Variants in MEOX1 observed in about 807,000 individuals in gnomAD.
MEOX1 encodes the protein homeobox protein MOX-1.
A neutral mutation model predicts 23.2 loss-of-function variants in MEOX1; 17 were observed. That is an observed-to-expected ratio of 0.73 (90% CI 0.50 to 1.10). The LOEUF is 1.10. MEOX1 is among the 50% of genes least tolerant of loss of function. The probability of loss-of-function intolerance (pLI) is 0.00; values close to 1 mark genes in which losing one functional copy is unlikely to be tolerated. For missense variants in MEOX1, 333 were observed against 332.2 expected (o/e 1.00, Z -0.02); for synonymous variants, 134 against 135.1 (o/e 0.99, Z 0.06).
At chr17:43,644,877 T>C (rs544690653) in intron 1 of MEOX1, among the ~76,000 whole-genome samples, 2 of 152,114 alleles carry the variant, frequency 1.3e-5, no homozygotes, top group Admixed American at 6.5e-5. Flanking sequence ...GATCACGCCA[T>C]TGCACTCCAG....
chr17:43,643,793 C>T (rs535510650), intron 1 of MEOX1, 133 bp from the exon 2 acceptor site: 3 of 637,226 alleles, frequency 4.7e-6, no homozygotes, highest in East Asian at 6.0e-5. Flanking sequence ...AAAAGCTACA[C>T]TGTCCTTTTT....
chr17:43,644,719 G>T (rs966634754), intron 1 of MEOX1, among the ~76,000 whole-genome samples: 1 of 152,180 alleles, frequency 6.6e-6, no homozygotes, highest in Non-Finnish European at 1.5e-5. Flanking sequence ...CTCGAGACCA[G>T]CCTGGCCAAC....
intron 1 of MEOX1, among the ~76,000 whole-genome samples, chr17:43,648,910 T>G (rs116724791): frequency 0.014 from 2,117 of 152,284 alleles, 49 homozygotes; most frequent in African/African-American, 0.049. Flanking sequence ...AAGTTATATA[T>G]GCAGACGTGT....
chr17:43,652,206 G>C (rs1273577941), intron 1 of MEOX1, among the ~76,000 whole-genome samples: 1 of 152,164 alleles, frequency 6.6e-6, no homozygotes, highest in African/African-American at 2.4e-5. Flanking sequence ...AGGGGTTCTG[G>C]ACATGGACTC....
intron 2 of MEOX1, among the ~76,000 whole-genome samples, chr17:43,643,255 T>TG (rs1972732266): frequency 6.6e-6 from 1 of 151,910 alleles, no homozygotes; most frequent in African/African-American, 2.4e-5. Context: ...GAGGTTACAG[T>TG]AAGATCGCGC....
chr17:43,661,208 C>T lies in MEOX1; in HGVS notation c.327G>A (p.Pro109=), dbSNP rs142430146. 5.0e-4 allele frequency: 804 copies of T among 1,608,578 alleles called. 9 individuals are homozygous for T. In the East Asian group the frequency reaches 0.015, roughly 31 times the overall value. The stretch of plus-strand genomic sequence containing the variant: ...TCCCCATTTCCTTGGAACCCCCTGC[C>T]GGGCCTGAGTTGGGCCTGCGCCGGG... The part of the protein sequence containing the change: ...SDARRRPNSG[P]AGGSKEMGTS... Residue 109 remains proline, a synonymous_variant, in exon 1 of 3, where the codon CCG becomes CCA. Coordinates refer to ENST00000318579, the MANE Select transcript of MEOX1 (RefSeq NM_004527.4).
Position 43,656,994 on chromosome 17 carries a change from CTT to C in MEOX1, c.469+4070_469+4071del, listed in dbSNP as rs1491143225. Among the ~76,000 whole-genome samples the C allele has an allele frequency of 7.5e-3, 1,041 of 137,910 alleles. 14 individuals carry two copies. Among genetic ancestry groups the C allele is most frequent in the African/African-American group, 0.033 (993 of 30,048 alleles). 90.5% of individuals were successfully genotyped at this position (137,910 alleles called of 152,430 possible). A position where few individuals can be genotyped will look rare whatever the true frequency, so the allele number is the denominator to read the frequency against. Reference sequence around the variant, plus strand: ...CCCCGTTTGTTCATTTTCTTTCTTTCTTTTTCTTTCTTTCTTTCTCTTTCTTT... The same window carrying C: ...CCCCGTTTGTTCATTTTCTTTCTTTCTTTCTTTCTTTCTTTCTCTTTCTTT... On this transcript the variant is annotated intron_variant, in intron 1 of 2. Transcript: ENST00000318579.
In MEOX1 at chr17:43,641,682, A is replaced by G. The variant is rs899298922; in HGVS notation, c.*228T>C. ...GGTAGGATCTCTGTCTGATTCCATG[A>G]GAGTGTGGGAGCAAAGGCCCTAGGG... On this transcript the variant is annotated 3_prime_UTR_variant, in exon 3 of 3. Transcript: ENST00000318579. 7.3e-5 allele frequency: 35 copies of G among 477,650 alleles called. No homozygotes were observed. The highest frequency in any genetic ancestry group is 5.7e-4 in the East Asian group (16 of 28,126). 29.6% of individuals were successfully genotyped at this position (477,650 alleles called of 1,614,324 possible). A position where few individuals can be genotyped will look rare whatever the true frequency, so the allele number is the denominator to read the frequency against.
intron 1 of MEOX1, 62 bp downstream of exon 1, chr17:43,661,004 G>C: frequency 9.1e-7 from 1 of 1,095,824 alleles, no homozygotes; most frequent in Non-Finnish European, 1.3e-6. Context: ...GCACAGAGAG[G>C]GTGAGTAACT....
At position 43,646,793 on chromosome 17, in the gene MEOX1, T is replaced by G. The variant is rs34691093; in HGVS notation, c.470-3133A>C. ...GAGTTCGCGACCAGCCTGACCAACA[T>G]GGAGAAACACCGTCTCTACTAAAAA... On this transcript the variant is annotated intron_variant, in intron 1 of 2. Coordinates refer to ENST00000318579, the MANE Select transcript of MEOX1 (RefSeq NM_004527.4). Among the ~76,000 whole-genome samples the G allele has an allele frequency of 8.9e-3, 1,356 of 152,192 alleles. 27 individuals carry two copies. Among genetic ancestry groups the G allele is most frequent in the African/African-American group, 0.031 (1,307 of 41,512 alleles).
chr17:43,647,990 G>C lies in MEOX1; in HGVS notation c.470-4330C>G, dbSNP rs142006166. On this transcript the variant is annotated intron_variant, in intron 1 of 2. Transcript: ENST00000318579. Reference sequence around the variant, plus strand: ...ACTGTTGGAAATGATGAAGGGACCAGAAGTATGGGAAGCAAGCTATGAAAG... The same window carrying C: ...ACTGTTGGAAATGATGAAGGGACCACAAGTATGGGAAGCAAGCTATGAAAG... 2.8e-3 allele frequency among the ~76,000 whole-genome samples: 430 copies of C among 152,362 alleles called. 5 individuals carry two copies. The highest frequency in any genetic ancestry group is 9.9e-3 in the African/African-American group (413 of 41,586).
chr17:43,643,704 G>C, intron 1 of MEOX1, 44 bp from the exon 2 acceptor site: 1 of 1,543,808 alleles, frequency 6.5e-7, no homozygotes, highest in African/African-American at 1.4e-5. Context: ...GGCTGAGGGA[G>C]ACTCCATTCC....
intron 1 of MEOX1, among the ~76,000 whole-genome samples, chr17:43,650,891 C>G (rs1263397823): frequency 6.6e-6 from 1 of 152,182 alleles, no homozygotes; most frequent in Non-Finnish European, 1.5e-5. Flanking sequence ...TGAGCCCTGC[C>G]CCACCCCAGT....
At chr17:43,643,146 T>TAA (rs58390408) in intron 2 of MEOX1, among the ~76,000 whole-genome samples, 2 of 146,548 alleles carry the variant, frequency 1.4e-5, no homozygotes, top group South Asian at 2.2e-4. Context: ...CCGCCTCTAC[T>TAA]AAAAAAAAAA....
chr17:43,647,937 A>G (rs567853370), intron 1 of MEOX1, among the ~76,000 whole-genome samples: 3 of 152,218 alleles, frequency 2.0e-5, no homozygotes, highest in South Asian at 2.1e-4. Context: ...TCCCTTGTCA[A>G]CTTCCCAGAG....
At position 43,661,644 on chromosome 17, in the gene MEOX1, G is replaced by T; in HGVS notation, c.-110C>A. On this transcript the variant is annotated 5_prime_UTR_variant, in exon 1 of 3. Transcript: ENST00000318579. Reference sequence around the variant, plus strand: ...AAAAAACTAAATAGGAGGGAAAAATGTTCAACAGAAAATTTACCCCAGGAA... The same window carrying T: ...AAAAAACTAAATAGGAGGGAAAAATTTTCAACAGAAAATTTACCCCAGGAA... 22 of 550,722 alleles carry T rather than the reference G, an allele frequency of 4.0e-5. No homozygotes were observed. The highest frequency in any genetic ancestry group is 6.4e-5 in the South Asian group (1 of 15,698). 34.1% of individuals were successfully genotyped at this position (550,722 alleles called of 1,614,324 possible). A position where few individuals can be genotyped will look rare whatever the true frequency, so the allele number is the denominator to read the frequency against.
rs142457214 is a variant in MEOX1, at chr17:43,641,962, T to C, written c.713A>G (p.Asn238Ser). The C allele has an allele frequency of 2.3e-4, 373 of 1,613,918 alleles. 3 individuals are homozygous for C. In the African/African-American group the frequency reaches 3.2e-3, roughly 14 times the overall value. The change falls in exon 3 of 3, where the codon AAT becomes AGT. Residue 238 changes from asparagine (N) to serine (S), a missense_variant. Transcript: ENST00000318579. The stretch of plus-strand genomic sequence containing the variant: ...GTCCCCATCCTCAGGGTCCTGCCCA[T>C]TGGGGGAGATGGGCTGACCTCCCTT... ...RVKGGQPISP[N>S]GQDPEDGDST...
intron 1 of MEOX1, among the ~76,000 whole-genome samples, chr17:43,651,379 G>C (rs150565167): frequency 2.6e-5 from 4 of 152,256 alleles, no homozygotes; most frequent in South Asian, 2.1e-4. Context: ...GGGTTGGTGA[G>C]GGGGAAGCGC....
At position 43,643,776 on chromosome 17, in the gene MEOX1, C is replaced by T. The variant is rs568225511; in HGVS notation, c.470-116G>A. The stretch of plus-strand genomic sequence containing the variant: ...CAGTCTCCCTTATTTTTACAGGATG[C>T]TGAGAAAAAAGCTACACTGTCCTTT... On this transcript the variant is annotated intron_variant, in intron 1 of 2. Transcript: ENST00000318579. 9 of 723,422 alleles carry T rather than the reference C, an allele frequency of 1.2e-5. No homozygotes were observed. In the East Asian group the frequency reaches 2.3e-4, roughly 19 times the overall value. The allele number at this position is 723,422 out of a possible 1,614,324, so 44.8% of individuals were successfully genotyped here.
Sources: gnomAD v4.1 joint callset for allele counts (sites outside exome capture counted in the v4.1 genomes callset) on GRCh38, gnomAD v4.1.1 for gene constraint, MANE v1.5 for transcripts, NCBI Gene and HGNC (gene_info 2026-07-23, HGNC 2026-07-21) for gene names.